UMOD: variants seen among roughly 807,000 people sequenced by gnomAD.
UMOD encodes the protein uromodulin, also known as Tamm-Horsfall urinary glycoprotein.
UMOD carries 64 observed loss-of-function variants against 66.0 expected under a neutral mutation model. The observed-to-expected ratio is 0.97, with a 90% CI of 0.79 to 1.19. The LOEUF is 1.19. Among genes scored for constraint, UMOD ranks in the 50% most tolerant of loss-of-function variants. UMOD has a pLI of 0.00. For synonymous variants in UMOD, 398 were observed against 352.7 expected (o/e 1.13, Z -1.44); for missense variants, 764 against 850.9 (o/e 0.90, Z 1.27).
chr16:20,334,423 T>C (rs1287167728), intron 10 of UMOD, among the ~76,000 whole-genome samples: 1 of 152,188 alleles, frequency 6.6e-6, no homozygotes, highest in Non-Finnish European at 1.5e-5. Context: ...AATAAGTGTG[T>C]GTACATCTGC....
chr16:20,347,505 C>T (rs182342188), intron 4 of UMOD, among the ~76,000 whole-genome samples: 1 of 152,268 alleles, frequency 6.6e-6, no homozygotes, highest in Admixed American at 6.5e-5. Context: ...TAGTAACCTT[C>T]TTTTCTTTTT....
At position 20,350,782 on chromosome 16, in the gene UMOD, C is replaced by T. The variant is rs200732957; in HGVS notation, c.-45G>A. ...ACTTCAGGTCTAGATAGCACCTGCC[C>T]AAAGGAAAGACGGGTTGGCCCTTTG... On this transcript the variant is annotated 5_prime_UTR_variant, in exon 2 of 11. Transcript: ENST00000396138. 19 of 1,613,522 alleles carry T rather than the reference C, an allele frequency of 1.2e-5. No homozygotes were observed. Among genetic ancestry groups the T allele is most frequent in the Non-Finnish European group, 1.6e-5 (19 of 1,179,732 alleles).
chr16:20,341,336 A>T lies in UMOD; in HGVS notation c.1332T>A (p.Ser444Arg), dbSNP rs763248740. The change falls in exon 7 of 11, where the codon AGT becomes AGA. Residue 444 changes from serine to arginine, a missense_variant and splice_region_variant. Coordinates refer to ENST00000396138, the MANE Select transcript of UMOD (RefSeq NM_003361.4). The part of the protein sequence containing the change: ...SLKTALQPMV[S>R]ALNIRVGGTG... Reference sequence around the variant, plus strand: ...TCCCGCCCACTCTGATGTTTAGAGCACTGCCAGGGGAGAAGGGTTGGTGAG... The same window carrying T: ...TCCCGCCCACTCTGATGTTTAGAGCTCTGCCAGGGGAGAAGGGTTGGTGAG... The T allele has an allele frequency of 1.2e-5, 19 of 1,613,360 alleles. No individual in the cohort carries two copies. The highest frequency in any genetic ancestry group is 2.2e-5 in the East Asian group (1 of 44,884).
chr16:20,348,972 T>C lies in UMOD; in HGVS notation c.329A>G (p.Asp110Gly), dbSNP rs1216158468. Residue 110 changes from aspartate (D) to glycine (G), a missense_variant, in exon 3 of 11, where the codon GAT (aspartate) becomes GGT (glycine). By Grantham distance (94) the Asp-to-Gly change is moderately conservative. Coordinates refer to ENST00000396138, the MANE Select transcript of UMOD (RefSeq NM_003361.4). ...LSPGLGCTDV[D>G]ECAEPGLSHC... ...GCTAAGCCCAGGCTCAGCGCACTCATCCACGTCTGTGCAGCCGAGACCGGG... is the reference window on the plus strand; with the variant it reads ...GCTAAGCCCAGGCTCAGCGCACTCACCCACGTCTGTGCAGCCGAGACCGGG... The C allele has an allele frequency of 6.4e-7, 1 of 1,573,770 alleles. No homozygotes were observed. The highest frequency in any genetic ancestry group is 8.6e-7 in the Non-Finnish European group (1 of 1,159,792).
chr16:20,342,152 C>G (rs1416552549), intron 6 of UMOD, among the ~76,000 whole-genome samples: 1 of 152,162 alleles, frequency 6.6e-6, no homozygotes, highest in African/African-American at 2.4e-5. Context: ...TAAGACTAGC[C>G]TGGTCCATGT....
At chr16:20,355,577 G>A (rs898445519), upstream of UMOD, among the ~76,000 whole-genome samples, 3 of 147,294 alleles carry the variant, frequency 2.0e-5, no homozygotes, top group Admixed American at 6.7e-5. Context: ...ACCATGCCCG[G>A]CTAATTTGTG....
chr16:20,349,062 T>C lies in UMOD; in HGVS notation c.239A>G (p.Asn80Ser), dbSNP rs1288986917. ...AIPGAHNCSA[N>S]SSCVNTPGSF... ...GCCTGGCGTGTTTACGCAGCTGCTGTTGGCGGAGCAGTTGTGAGCTCCAGG... is the reference window on the plus strand; with the variant it reads ...GCCTGGCGTGTTTACGCAGCTGCTGCTGGCGGAGCAGTTGTGAGCTCCAGG... Residue 80 changes from asparagine (N) to serine (S), a missense_variant, in exon 3 of 11, where the codon AAC becomes AGC. Coordinates refer to ENST00000396138, the MANE Select transcript of UMOD (RefSeq NM_003361.4). 5 of 1,609,620 alleles carry C rather than the reference T, an allele frequency of 3.1e-6. No homozygotes were observed. Among genetic ancestry groups the C allele is most frequent in the Non-Finnish European group, 4.2e-6 (5 of 1,178,138 alleles).
chr16:20,341,060 A>G (rs781526496), intron 7 of UMOD, 31 bp downstream of exon 7: 1 of 1,608,758 alleles, frequency 6.2e-7, no homozygotes, highest in Admixed American at 1.7e-5. Flanking sequence ...AATTCTACCC[A>G]TGAGTTCCCA....
intron 7 of UMOD, among the ~76,000 whole-genome samples, chr16:20,340,686 G>A (rs990997730): frequency 1.3e-5 from 2 of 151,878 alleles, no homozygotes; most frequent in Admixed American, 1.3e-4. Context: ...CAGCTAAAGG[G>A]TAATGAATAT....
Position 20,350,818 on chromosome 16 carries a change from T to C in UMOD, c.-81A>G. ...CGGGTTGGCCCTTTGAATTTTTCTC[T>C]CTGTCTCTGATGTCTGGTGTCCTGT... On this transcript the variant is annotated 5_prime_UTR_variant, in exon 2 of 11. Transcript: ENST00000396138. 3 of 1,592,616 alleles carry C rather than the reference T, an allele frequency of 1.9e-6. No homozygotes were observed. Among genetic ancestry groups the C allele is most frequent in the Non-Finnish European group, 2.6e-6 (3 of 1,169,564 alleles).
chr16:20,349,773 C>T, intron 2 of UMOD: 2 of 1,319,374 alleles, frequency 1.5e-6, no homozygotes, highest in Non-Finnish European at 2.1e-6. Context: ...TTTTCTGCTT[C>T]CCTGGCTGGT....
In UMOD at chr16:20,333,082, C is replaced by G. The variant is rs765459309; in HGVS notation, c.*232G>C. The G allele has an allele frequency of 1.8e-6, 1 of 552,144 alleles. No homozygotes were observed. The highest frequency in any genetic ancestry group is 3.3e-6 in the Non-Finnish European group (1 of 300,468). 34.2% of individuals were successfully genotyped at this position (552,144 alleles called of 1,614,324 possible). ...TTAAAAATCATTATTTTGCCACACT[C>G]TTTAAGGAGATGGGGGCCTCAGGTA... On this transcript the variant is annotated 3_prime_UTR_variant, in exon 11 of 11. Transcript: ENST00000396138.
rs199835347 is a variant in UMOD at position 20,348,876 on chromosome 16, C to A, written c.425G>T (p.Arg142Leu). Residue 142 changes from arginine (R) to leucine (L), a missense_variant, in exon 3 of 11, where the codon CGG becomes CTG. Transcript: ENST00000396138. ...GCACTCACAGTGCCATCCATCCCCC[C>A]GGTAGCCCGCGGGGCATACGCACAA... ...SYLCVCPAGY[R>L]GDGWHCECSP... 7.1e-6 allele frequency: 11 copies of A among 1,550,442 alleles called. No individual in the cohort carries two copies. Among genetic ancestry groups the A allele is most frequent in the Non-Finnish European group, 8.7e-7 (1 of 1,147,972 alleles).
chr16:20,333,404 GCTAGTA>G (rs1342020579), intron 10 of UMOD, 29 bp from the exon 11 acceptor site: 12 of 1,595,854 alleles, frequency 7.5e-6, no homozygotes, highest in Non-Finnish European at 1.0e-5. Context: ...CAGGGCAACT[GCTAGTA>G]CTGCTGTACT....
chr16:20,352,604 C>T (rs1965951843), intron 1 of UMOD, 85 bp downstream of exon 1: 1 of 1,084,802 alleles, frequency 9.2e-7, no homozygotes, highest in African/African-American at 1.6e-5. Context: ...ACCCCAGTGT[C>T]CAAGGTCTTA....
intron 8 of UMOD, among the ~76,000 whole-genome samples, 174 bp from the exon 9 acceptor site, chr16:20,336,901 G>T (rs1011071230): frequency 6.6e-6 from 1 of 152,196 alleles, no homozygotes; most frequent in Admixed American, 6.5e-5. Context: ...TTGTTAGATA[G>T]ATGCATGATC....
intron 5 of UMOD, among the ~76,000 whole-genome samples, chr16:20,345,671 T>C (rs1237426815): frequency 6.6e-6 from 1 of 151,866 alleles, no homozygotes; most frequent in African/African-American, 2.4e-5. Context: ...CATTTACCTC[T>C]GGGTTTCATT....
rs1053466716 is a variant in UMOD, at chr16:20,344,527, C to G, written c.1183-355G>C. On this transcript the variant is annotated intron_variant, in intron 5 of 10. Transcript: ENST00000396138. ...CTGAGACAGGAGAATCGCTTGAACC[C>G]GGGAGGCAGAGCTTGCAATGAGCCA... Among the ~76,000 whole-genome samples the G allele has an allele frequency of 2.0e-5, 3 of 150,738 alleles. No homozygotes were observed. The Admixed American group carries it at 2.0e-4, about 10-fold the overall frequency.
At position 20,337,384 on chromosome 16, in the gene UMOD, G is replaced by A. The variant is rs148082440; in HGVS notation, c.1647C>T (p.Ser549=). The A allele has an allele frequency of 3.6e-5, 58 of 1,614,050 alleles. No homozygotes were observed. The highest frequency in any genetic ancestry group is 3.5e-5 in the Non-Finnish European group (41 of 1,180,042). Residue 549 remains serine (S), a synonymous_variant, in exon 8 of 11, where the codon TCC becomes TCT. Transcript: ENST00000396138. Reference sequence around the variant, plus strand: ...TTCCAGCAAACCGGAACATCTGGACGGAAAATCGGCCCTGGGAGGACTCCC... The same window carrying A: ...TTCCAGCAAACCGGAACATCTGGACAGAAAATCGGCCCTGGGAGGACTCCC... ...ENGESSQGRF[S]VQMFRFAGNY...
Sources: allele counts gnomAD v4.1 joint callset (sites outside exome capture counted in the v4.1 genomes callset), GRCh38; gene constraint gnomAD v4.1.1; transcripts MANE v1.5; gene names NCBI Gene and HGNC (gene_info 2026-07-23, HGNC 2026-07-21).